DUS1L: variants seen among roughly 807,000 people sequenced by gnomAD.
DUS1L encodes tRNA-dihydrouridine(16/17) synthase [NAD(P)(+)]-like.
Under a neutral mutation model 61.2 loss-of-function variants are expected in DUS1L, and 56 were observed. The observed-to-expected ratio is 0.92, with a 90% confidence interval of 0.74 to 1.14. The LOEUF (loss-of-function observed/expected upper bound fraction) is 1.14, where lower values mean the gene tolerates loss of function less well. DUS1L is among the 50% of genes most tolerant of loss of function. The probability of loss-of-function intolerance (pLI) is 0.00; values close to 1 mark genes in which losing one functional copy is unlikely to be tolerated. For missense variants in DUS1L, 630 were observed against 632.4 expected, an observed-to-expected ratio of 1.00 and a Z score of 0.04; for synonymous variants, 278 against 259.5, an observed-to-expected ratio of 1.07 and a Z score of -0.69.
At position 82,063,673 on chromosome 17, in the gene DUS1L, T is replaced by TGGGGCAGTGGGACAGTC. The variant is rs575930991; in HGVS notation, c.347-172_347-156dup. ...CCCCAGAACCAGCAGTGTCTCCAGT[T>TGGGGCAGTGGGACAGTC]GGGGCAGTGGGACAGTCAGAGCAGT... On this transcript the variant is annotated intron_variant, in intron 3 of 13. Transcript: ENST00000306796. Among the ~76,000 whole-genome samples, 37 of 152,336 alleles carry TGGGGCAGTGGGACAGTC rather than the reference T, an allele frequency of 2.4e-4. No individual in the cohort carries two copies. The South Asian group carries it at 7.4e-3, about 31-fold the overall frequency.
intron 1 of DUS1L, 130 bp from the exon 2 acceptor site, chr17:82,065,199 G>A: frequency 1.3e-6 from 1 of 782,932 alleles, no homozygotes; most frequent in East Asian, 2.7e-5. Flanking sequence ...GGGCACTAAA[G>A]GCGGGGGTCG....
At chr17:82,060,346 G>A (rs945416614) in intron 10 of DUS1L, 4 of 595,750 alleles carry the variant, frequency 6.7e-6, no homozygotes, top group East Asian at 2.8e-5. Context: ...CTGTGGCCAC[G>A]GATGGCCTCA....
chr17:82,063,866 G>A (rs116096050), intron 3 of DUS1L, among the ~76,000 whole-genome samples: 2,317 of 152,312 alleles, frequency 0.015, 53 homozygotes, highest in African/African-American at 0.053. Flanking sequence ...GGGGTAATGG[G>A]GACCCTGTAT....
chr17:82,059,113 A>G (rs530441773), intron 11 of DUS1L: 3 of 448,966 alleles, frequency 6.7e-6, no homozygotes, highest in Non-Finnish European at 1.2e-5. Flanking sequence ...CCAGGCAGGG[A>G]CAAGGGGAGC....
At chr17:82,059,567 C>G (rs2033353154) in intron 11 of DUS1L, 1 of 209,222 alleles carries the variant, frequency 4.8e-6, no homozygotes, top group African/African-American at 2.3e-5. Context: ...GGCCCAGCAA[C>G]AAGACCCATG....
chr17:82,058,689 G>A, intron 12 of DUS1L, 92 bp downstream of exon 12: 2 of 1,585,164 alleles, frequency 1.3e-6, no homozygotes, highest in Non-Finnish European at 8.6e-7. Context: ...CAGCTGGGCG[G>A]GCACCAGACC....
chr17:82,062,888 G>C lies in DUS1L; in HGVS notation c.483C>G (p.Ala161=). The C allele has an allele frequency of 6.2e-7, 1 of 1,612,900 alleles. No homozygotes were observed. The highest frequency in any genetic ancestry group is 8.5e-7 in the Non-Finnish European group (1 of 1,179,932). The part of the protein sequence containing the change: ...FPEIDKTVRY[A]QMLEKAGCQL... ...GGCAGCCGGCCTTCTCCAGCATCTG[G>C]GCGTACCTCACGGTCTTGTCAATCT... The change falls in exon 5 of 14, where the codon GCC becomes GCG. Residue 161 remains alanine, a synonymous_variant. Transcript: ENST00000306796.
At chr17:82,060,268 C>T (rs1027394062) in intron 10 of DUS1L, 175 bp from the exon 11 acceptor site, 97 of 817,220 alleles carry the variant, frequency 1.2e-4, no homozygotes, top group Non-Finnish European at 1.5e-4. Context: ...CTAGGGAGTC[C>T]GGGGCCTCTG....
chr17:82,059,754 G>T, intron 11 of DUS1L, 194 bp downstream of exon 11: 1 of 700,058 alleles, frequency 1.4e-6, no homozygotes, highest in Non-Finnish European at 2.4e-6. Context: ...CACATGCACG[G>T]GCTGTGGCCT....
intron 5 of DUS1L, 62 bp from the exon 6 acceptor site, chr17:82,062,045 C>CGCCCCTCCACGCCCCCTCT: frequency 7.2e-7 from 1 of 1,385,716 alleles, no homozygotes; most frequent in East Asian, 2.5e-5. Flanking sequence ...GAGCCCCCTC[C>CGCCCCTCCACGCCCCCTCT]GCCCCTCCAC....
At position 82,061,686 on chromosome 17, in the gene DUS1L, T is replaced by C. The variant is rs1413788205; in HGVS notation, c.629A>G (p.Asn210Ser). Residue 210 changes from asparagine (N) to serine (S), a missense_variant, in exon 7 of 14, where the codon AAC (asparagine) becomes AGC (serine). Coordinates refer to ENST00000306796, the MANE Select transcript of DUS1L (RefSeq NM_022156.5). ...AVAIPVFANGNIQCLQDVERC... is the reference protein window; with the variant it reads ...AVAIPVFANGSIQCLQDVERC... ...CTCCACGTCCTGCAGGCACTGGATG[T>C]TCCCGTTAGCAAACACAGGGATGGC... 1 of 1,613,066 alleles carries C rather than the reference T, an allele frequency of 6.2e-7. No individual in the cohort carries two copies. Among genetic ancestry groups the C allele is most frequent in the Admixed American group, 1.7e-5 (1 of 60,026 alleles).
chr17:82,065,370 C>T (rs1342296253), intron 1 of DUS1L: 4 of 349,930 alleles, frequency 1.1e-5, no homozygotes, highest in Non-Finnish European at 1.0e-5. Flanking sequence ...GCCAGCGTCC[C>T]CGCGGGCCTG....
intron 2 of DUS1L, 94 bp from the exon 3 acceptor site, chr17:82,064,328 T>C: frequency 9.1e-7 from 1 of 1,104,476 alleles, no homozygotes; most frequent in Non-Finnish European, 1.3e-6. Flanking sequence ...CCCATGAGGG[T>C]GTGGGCCCAG....
chr17:82,058,302 C>G lies in DUS1L; in HGVS notation c.1282+39G>C, dbSNP rs531072642. 9.1e-6 allele frequency: 14 copies of G among 1,530,116 alleles called. No individual in the cohort carries two copies. In the South Asian group the frequency reaches 1.7e-4, roughly 19 times the overall value. 94.8% of individuals were successfully genotyped at this position (1,530,116 alleles called of 1,614,324 possible). On this transcript the variant is annotated intron_variant, in intron 13 of 13. Coordinates refer to ENST00000306796, the MANE Select transcript of DUS1L (RefSeq NM_022156.5). ...TCGGGGGTCAGGAGGCGGAGGGGGT[C>G]TGTTTGCCTGCTGCGGGGCGGGTGG...
At chr17:82,064,499 A>T (rs554671012) in intron 2 of DUS1L, among the ~76,000 whole-genome samples, 8 of 152,328 alleles carry the variant, frequency 5.3e-5, no homozygotes, top group African/African-American at 1.7e-4. Flanking sequence ...GGTTCTGAAG[A>T]GGGAGTGTGA....
chr17:82,058,000 C>T lies in DUS1L; in HGVS notation c.*115G>A. 7.4e-7 allele frequency: 1 copy of T among 1,344,626 alleles called. No individual in the cohort carries two copies. The highest frequency in any genetic ancestry group is 9.8e-7 in the Non-Finnish European group (1 of 1,021,292). 83.3% of individuals were successfully genotyped at this position (1,344,626 alleles called of 1,614,324 possible). Reference sequence around the variant, plus strand: ...GCCCCCAGAGTGGGCCGAAGGGGGACATGGGCGTGTCTTTCCACATTAAGT... The same window carrying T: ...GCCCCCAGAGTGGGCCGAAGGGGGATATGGGCGTGTCTTTCCACATTAAGT... On this transcript the variant is annotated 3_prime_UTR_variant, in exon 14 of 14. Transcript: ENST00000306796.
Position 82,061,619 on chromosome 17 carries a change from T to C in DUS1L, c.696A>G (p.Ala232=). 1 of 1,610,744 alleles carries C rather than the reference T, an allele frequency of 6.2e-7. No individual in the cohort carries two copies. Among genetic ancestry groups the C allele is most frequent in the Non-Finnish European group, 8.5e-7 (1 of 1,179,388 alleles). ...GCTGCTGTCCTGGGCCCTGCCCACC[T>C]GCGCTCATGACGCCCTGCACACCCG... is the stretch of plus-strand genomic sequence containing the variant. ...RDTGVQGVMS[A]EGNLHNPALF... The change falls in exon 7 of 14, where the codon GCA becomes GCG. Residue 232 remains alanine, a splice_region_variant and synonymous_variant. Transcript: ENST00000306796.
rs778714865 is a variant in DUS1L at position 82,062,885 on chromosome 17, C to T, written c.486G>A (p.Gln162=). The change falls in exon 5 of 14, where the codon CAG becomes CAA. Residue 162 remains glutamine (Q), a synonymous_variant. Coordinates refer to ENST00000306796, the MANE Select transcript of DUS1L (RefSeq NM_022156.5). ...PEIDKTVRYA[Q]MLEKAGCQLL... ...CCTGGCAGCCGGCCTTCTCCAGCAT[C>T]TGGGCGTACCTCACGGTCTTGTCAA... 2 of 1,612,910 alleles carry T rather than the reference C, an allele frequency of 1.2e-6. No individual in the cohort carries two copies. Among genetic ancestry groups the T allele is most frequent in the East Asian group, 2.2e-5 (1 of 44,886 alleles).
intron 8 of DUS1L, 44 bp from the exon 9 acceptor site, chr17:82,061,005 C>T: frequency 6.3e-7 from 1 of 1,589,674 alleles, no homozygotes; most frequent in Non-Finnish European, 8.5e-7. Context: ...CCCGGCTCCA[C>T]CGTCAGGCCC....
Sources: gnomAD v4.1 joint callset for allele counts (sites outside exome capture counted in the v4.1 genomes callset) on GRCh38, gnomAD v4.1.1 for gene constraint, MANE v1.5 for transcripts, NCBI Gene and HGNC (gene_info 2026-07-23, HGNC 2026-07-21) for gene names.